The following KRTAP10-10 variants were observed in gnomAD, a reference collection of about 807,000 sequenced individuals.
KRTAP10-10 encodes keratin-associated protein 10-10.
For missense variants in KRTAP10-10, 324 were observed against 319.9 expected (o/e 1.01, Z -0.10); for synonymous variants, 139 against 137.6 (o/e 1.01, Z -0.07).
At position 44,637,599 on chromosome 21, in the gene KRTAP10-10, C is replaced by T; in HGVS notation, c.182C>T (p.Ala61Val). Reference sequence around the variant, plus strand: ...TGCCAGACGGCCTGTGAGCCCAGCGCCTGCCAATCAGGCTACACCAGCTCC... The same window carrying T: ...TGCCAGACGGCCTGTGAGCCCAGCGTCTGCCAATCAGGCTACACCAGCTCC... ...PCCQTACEPS[A>V]CQSGYTSSCT... Residue 61 changes from alanine to valine, a missense_variant, in exon 1 of 1, where the codon GCC (alanine) becomes GTC (valine). By Grantham distance (64) the Ala-to-Val change is moderately conservative. Coordinates refer to ENST00000380095, the MANE Select transcript of KRTAP10-10 (RefSeq NM_181688.3). The T allele has an allele frequency of 3.1e-6, 5 of 1,613,922 alleles. No homozygotes were observed. Among genetic ancestry groups the T allele is most frequent in the Non-Finnish European group, 4.2e-6 (5 of 1,179,956 alleles).
Position 44,637,431 on chromosome 21 carries a change from C to A in KRTAP10-10, c.14C>A (p.Thr5Asn). The A allele has an allele frequency of 5.6e-6, 9 of 1,607,842 alleles. No homozygotes were observed. The highest frequency in any genetic ancestry group is 6.8e-6 in the Non-Finnish European group (8 of 1,176,902). Reference protein sequence around the residue: MAASTMSICSSACTD... With the variant: MAASNMSICSSACTD... ...CCCCACTCCAGCATGGCCGCCTCCACCATGTCCATCTGCTCCAGCGCCTGC... is the reference window on the plus strand; with the variant it reads ...CCCCACTCCAGCATGGCCGCCTCCAACATGTCCATCTGCTCCAGCGCCTGC... Residue 5 changes from threonine (T) to asparagine (N), a missense_variant, in exon 1 of 1, where the codon ACC becomes AAC. Coordinates refer to ENST00000380095, the MANE Select transcript of KRTAP10-10 (RefSeq NM_181688.3).
chr21:44,637,977 C>T lies in KRTAP10-10; in HGVS notation c.560C>T (p.Ser187Phe), dbSNP rs587644811. The T allele has an allele frequency of 1.2e-6, 2 of 1,614,110 alleles. No individual in the cohort carries two copies. The highest frequency in any genetic ancestry group is 1.7e-5 in the Admixed American group (1 of 60,018). The change falls in exon 1 of 1, where the codon TCC becomes TTC. Residue 187 changes from serine (S) to phenylalanine (F), a missense_variant. Coordinates refer to ENST00000380095, the MANE Select transcript of KRTAP10-10 (RefSeq NM_181688.3). ...TGCACCGCCTCCTGCTGCAGACCCT[C>T]CTCCTCCGTGTCCCTCCTCTGCCAC... Reference protein sequence around the residue: ...ACCTASCCRPSSSVSLLCHPV... With the variant: ...ACCTASCCRPFSSVSLLCHPV...
In KRTAP10-10 at chr21:44,637,610, G is replaced by A. The variant is rs1294786188; in HGVS notation, c.193G>A (p.Gly65Ser). The stretch of plus-strand genomic sequence containing the variant: ...CTGTGAGCCCAGCGCCTGCCAATCA[G>A]GCTACACCAGCTCCTGCACAACCCC... ...TACEPSACQS[G>S]YTSSCTTPCY... Residue 65 changes from glycine to serine, a missense_variant, in exon 1 of 1, where the codon GGC (glycine) becomes AGC (serine). Coordinates refer to ENST00000380095, the MANE Select transcript of KRTAP10-10 (RefSeq NM_181688.3). The A allele has an allele frequency of 2.2e-5, 36 of 1,613,746 alleles. No individual in the cohort carries two copies. The highest frequency in any genetic ancestry group is 2.5e-5 in the Non-Finnish European group (29 of 1,179,944).
At position 44,637,584 on chromosome 21, in the gene KRTAP10-10, C is replaced by A; in HGVS notation, c.167C>A (p.Ala56Asp). 6.2e-7 allele frequency: 1 copy of A among 1,613,856 alleles called. No individual in the cohort carries two copies. The highest frequency in any genetic ancestry group is 1.7e-4 in the Middle Eastern group (1 of 5,878). ...SCVSSPCCQT[A>D]CEPSACQSGY... ...GTGTCCAGCCCCTGCTGCCAGACGGCCTGTGAGCCCAGCGCCTGCCAATCA... is the reference window on the plus strand; with the variant it reads ...GTGTCCAGCCCCTGCTGCCAGACGGACTGTGAGCCCAGCGCCTGCCAATCA... Residue 56 changes from alanine (A) to aspartate (D), a missense_variant, in exon 1 of 1, where the codon GCC becomes GAC. Physicochemically the swap from Ala to Asp is moderately radical, Grantham distance 126. Transcript: ENST00000380095.
At position 44,637,647 on chromosome 21, in the gene KRTAP10-10, A is replaced by T; in HGVS notation, c.230A>T (p.Gln77Leu). The T allele has an allele frequency of 6.3e-7, 1 of 1,579,536 alleles. No homozygotes were observed. The highest frequency in any genetic ancestry group is 8.6e-7 in the Non-Finnish European group (1 of 1,161,304). ...TSSCTTPCYQ[Q>L]SSCQPDCCTS... ...TCCTGCACAACCCCATGCTACCAGC[A>T]GTCTAGCTGCCAGCCGGATTGCTGC... Residue 77 changes from glutamine to leucine, a missense_variant, in exon 1 of 1, where the codon CAG becomes CTG. Transcript: ENST00000380095.
Position 44,638,084 on chromosome 21 carries a change from A to C in KRTAP10-10, c.667A>C (p.Thr223Pro), listed in dbSNP as rs587619686. The stretch of plus-strand genomic sequence containing the variant: ...CTCCTGCCAGCCCAGCTGCTGCCGC[A>C]CGGCCTCCTGTGTTTCCCTCCTCTG... ...ASSCQPSCCRTASCVSLLCRP... is the reference protein window; with the variant it reads ...ASSCQPSCCRPASCVSLLCRP... Residue 223 changes from threonine (T) to proline (P), a missense_variant, in exon 1 of 1, where the codon ACG becomes CCG. Physicochemically the swap from Thr to Pro is conservative, Grantham distance 38 (BLOSUM62 -1). Transcript: ENST00000380095. 6.9e-5 allele frequency: 112 copies of C among 1,613,018 alleles called. No individual in the cohort carries two copies. The highest frequency in any genetic ancestry group is 2.5e-4 in the Admixed American group (15 of 59,902).
In KRTAP10-10 at chr21:44,637,741, C is replaced by T. The variant is rs1353891547; in HGVS notation, c.324C>T (p.Val108=). 6 of 1,331,300 alleles carry T rather than the reference C, an allele frequency of 4.5e-6. No homozygotes were observed. The African/African-American group carries it at 9.9e-5, about 22-fold the overall frequency. The allele number at this position is 1,331,300 out of a possible 1,614,324, so 82.5% of individuals were successfully genotyped here. The change falls in exon 1 of 1, where the codon GTC becomes GTT. Residue 108 remains valine, a synonymous_variant. Transcript: ENST00000380095. The part of the protein sequence containing the change: ...VCCVPVCCVP[V]CNKPVCFVPT... ...GTGTGCCCGTCTGCTGCGTGCCCGT[C>T]TGTAACAAGCCTGTGTGCTTCGTGC...
chr21:44,637,505 T>TCA, the KRTAP10-10 span: 1 of 1,612,606 alleles, frequency 6.2e-7, no homozygotes. Context: ...CTGCGAGCCC[T>TCA]GCTGCTGTGC....
rs782527032 is a variant in KRTAP10-10, at chr21:44,638,036, C to T, written c.619C>T (p.Pro207Ser). ...VCKSTCCVPV[P>S]SCGASASSCQ... ...CAAGTCCACCTGCTGCGTGCCCGTC[C>T]CCTCCTGCGGTGCCTCTGCCTCCTC... The change falls in exon 1 of 1, where the codon CCC becomes TCC. Residue 207 changes from proline (P) to serine (S), a missense_variant. Transcript: ENST00000380095. 1.2e-5 allele frequency: 20 copies of T among 1,613,122 alleles called. No individual in the cohort carries two copies. The highest frequency in any genetic ancestry group is 2.2e-5 in the South Asian group (2 of 90,996).
At chr21:44,637,466 TG>T in the KRTAP10-10 span, 1 of 1,613,148 alleles carries the variant, frequency 6.2e-7, no homozygotes, top group Non-Finnish European at 8.5e-7. Context: ...CACTGACTCT[TG>T]GCGGGTAGTC....
chr21:44,637,637 T>C lies in KRTAP10-10; in HGVS notation c.220T>C (p.Cys74Arg), dbSNP rs781836087. 3.2e-5 allele frequency: 52 copies of C among 1,613,756 alleles called. No individual in the cohort carries two copies. The South Asian group carries it at 5.2e-4, about 16-fold the overall frequency. The change falls in exon 1 of 1, where the codon TGC becomes CGC. Residue 74 changes from cysteine (C) to arginine (R), a missense_variant. Physicochemically the swap from Cys to Arg is radical, Grantham distance 180 (BLOSUM62 -3). Coordinates refer to ENST00000380095, the MANE Select transcript of KRTAP10-10 (RefSeq NM_181688.3). ...CTACACCAGCTCCTGCACAACCCCA[T>C]GCTACCAGCAGTCTAGCTGCCAGCC... is the stretch of plus-strand genomic sequence containing the variant. ...SGYTSSCTTP[C>R]YQQSSCQPDC...
rs587703494 is a variant in KRTAP10-10, at chr21:44,638,229, C to A, written c.*56C>A. The A allele has an allele frequency of 2.9e-4, 454 of 1,559,940 alleles. No homozygotes were observed. The highest frequency in any genetic ancestry group is 3.9e-4 in the Non-Finnish European group (446 of 1,150,156). ...CACCAGGGGCTGACCTCCCAGCTGC[C>A]CCAGCAAGCTCTGCCCTCTCTGGCT... On this transcript the variant is annotated 3_prime_UTR_variant, in exon 1 of 1. Coordinates refer to ENST00000380095, the MANE Select transcript of KRTAP10-10 (RefSeq NM_181688.3).
At position 44,637,881 on chromosome 21, in the gene KRTAP10-10, T is replaced by C. The variant is rs782244705; in HGVS notation, c.464T>C (p.Val155Ala). ...ACCVPVCSKS[V>A]CYVPVCSGAS... ...TGTGTGCCTGTCTGCTCTAAGTCCG[T>C]CTGCTATGTGCCTGTGTGCTCTGGG... Residue 155 changes from valine to alanine, a missense_variant, in exon 1 of 1, where the codon GTC (valine) becomes GCC (alanine). By Grantham distance (64) the Val-to-Ala change is moderately conservative. Coordinates refer to ENST00000380095, the MANE Select transcript of KRTAP10-10 (RefSeq NM_181688.3). 2 of 1,529,452 alleles carry C rather than the reference T, an allele frequency of 1.3e-6. No individual in the cohort carries two copies. The highest frequency in any genetic ancestry group is 1.8e-6 in the Non-Finnish European group (2 of 1,124,722). 94.7% of individuals were successfully genotyped at this position (1,529,452 alleles called of 1,614,324 possible). A position where few individuals can be genotyped will look rare whatever the true frequency, so the allele number is the denominator to read the frequency against.
Position 44,637,793 on chromosome 21 carries a change from T to C in KRTAP10-10, c.376T>C (p.Cys126Arg), listed in dbSNP as rs1555937324. 4.4e-6 allele frequency: 6 copies of C among 1,361,814 alleles called. No homozygotes were observed. The highest frequency in any genetic ancestry group is 1.4e-5 in the South Asian group (1 of 73,776). The allele number at this position is 1,361,814 out of a possible 1,614,324, so 84.4% of individuals were successfully genotyped here. The stretch of plus-strand genomic sequence containing the variant: ...TACCTGCTCCGAGTCTTCCCCTTCA[T>C]GCTGCCAGCAGTCTAGCTGCCAGCC... The part of the protein sequence containing the change: ...VPTCSESSPS[C>R]CQQSSCQPTC... The change falls in exon 1 of 1, where the codon TGC becomes CGC. Residue 126 changes from cysteine (C) to arginine (R), a missense_variant. Cys to Arg is a radical substitution (Grantham distance 180, BLOSUM62 -3). Coordinates refer to ENST00000380095, the MANE Select transcript of KRTAP10-10 (RefSeq NM_181688.3).
chr21:44,638,066 C>G lies in KRTAP10-10; in HGVS notation c.649C>G (p.Gln217Glu), dbSNP rs782068712. 2 of 1,613,300 alleles carry G rather than the reference C, an allele frequency of 1.2e-6. No homozygotes were observed. The highest frequency in any genetic ancestry group is 3.3e-5 in the Admixed American group (2 of 59,904). The change falls in exon 1 of 1, where the codon CAG (glutamine) becomes GAG (glutamate). Residue 217 changes from glutamine to glutamate, a missense_variant. Coordinates refer to ENST00000380095, the MANE Select transcript of KRTAP10-10 (RefSeq NM_181688.3). The stretch of plus-strand genomic sequence containing the variant: ...CTGCGGTGCCTCTGCCTCCTCCTGC[C>G]AGCCCAGCTGCTGCCGCACGGCCTC... ...PSCGASASSC[Q>E]PSCCRTASCV...
rs149080473 is a variant in KRTAP10-10 at position 44,637,984 on chromosome 21, C to G, written c.567C>G (p.Ser189=). ...CCTCCTGCTGCAGACCCTCCTCCTC[C>G]GTGTCCCTCCTCTGCCACCCTGTGT... is the stretch of plus-strand genomic sequence containing the variant. ...CTASCCRPSS[S]VSLLCHPVCK... is the part of the protein sequence containing the mutation. The change falls in exon 1 of 1, where the codon TCC becomes TCG. Residue 189 remains serine, a synonymous_variant. Transcript: ENST00000380095. 4.3e-6 allele frequency: 7 copies of G among 1,613,834 alleles called. No individual in the cohort carries two copies. Among genetic ancestry groups the G allele is most frequent in the Admixed American group, 1.7e-5 (1 of 60,006 alleles).
In KRTAP10-10 at chr21:44,637,484, C is replaced by T. The variant is rs1412675546; in HGVS notation, c.67C>T (p.Pro23Ser). ...TGACTCTTGGCGGGTAGTCGACTGC[C>T]CAGAGAGCTGCTGCGAGCCCTGCTG... ...CTDSWRVVDC[P>S]ESCCEPCCCA... The change falls in exon 1 of 1, where the codon CCA (proline) becomes TCA (serine). Residue 23 changes from proline to serine, a missense_variant. Pro to Ser is a moderately conservative substitution (Grantham distance 74). Transcript: ENST00000380095. The T allele has an allele frequency of 2.5e-6, 4 of 1,613,318 alleles. No individual in the cohort carries two copies. The highest frequency in any genetic ancestry group is 2.2e-5 in the East Asian group (1 of 44,876).
rs587763949 is a variant in KRTAP10-10, at chr21:44,638,419, C to T, written c.*246C>T. On this transcript the variant is annotated 3_prime_UTR_variant, in exon 1 of 1. Transcript: ENST00000380095. Reference sequence around the variant, plus strand: ...CTGGTTCCACCCTGGGCAGCACCCCCTCTAGTTCTAATAAAGCCGCCTCTG... The same window carrying T: ...CTGGTTCCACCCTGGGCAGCACCCCTTCTAGTTCTAATAAAGCCGCCTCTG... 392 of 403,878 alleles carry T rather than the reference C, an allele frequency of 9.7e-4. 14 individuals carry two copies. The highest frequency in any genetic ancestry group is 7.3e-3 in the African/African-American group (346 of 47,634). The allele number at this position is 403,878 out of a possible 1,614,324, so 25.0% of individuals were successfully genotyped here. A position where few individuals can be genotyped will look rare whatever the true frequency, so the allele number is the denominator to read the frequency against.
rs1569233807 is a variant in KRTAP10-10, at chr21:44,637,943, C to A, written c.526C>A (p.Pro176Thr). The A allele has an allele frequency of 1.2e-6, 2 of 1,612,970 alleles. No homozygotes were observed. The highest frequency in any genetic ancestry group is 2.2e-5 in the East Asian group (1 of 44,872). ...ATGCTGCCAGCAGTCTAGCTGCCAG[C>A]CTGCTTGCTGCACCGCCTCCTGCTG... ...TSCCQQSSCQ[P>T]ACCTASCCRP... Residue 176 changes from proline (P) to threonine (T), a missense_variant, in exon 1 of 1, where the codon CCT (proline) becomes ACT (threonine). Coordinates refer to ENST00000380095, the MANE Select transcript of KRTAP10-10 (RefSeq NM_181688.3).
Sources: gnomAD v4.1 joint callset for allele counts on GRCh38, gnomAD v4.1.1 for gene constraint, MANE v1.5 for transcripts, NCBI Gene and HGNC (gene_info 2026-07-23, HGNC 2026-07-21) for gene names.